ALK: variants seen among roughly 807,000 people sequenced by gnomAD.
The protein encoded by ALK is ALK tyrosine kinase receptor.
ALK carries 74 observed loss-of-function variants against 163.1 expected under a neutral mutation model. That is an observed-to-expected ratio of 0.45 (90% confidence interval 0.38 to 0.55). ALK has a LOEUF of 0.55. Ranked by LOEUF, ALK falls within the 20% of genes least tolerant of loss-of-function variation. The pLI, the probability that ALK is intolerant of heterozygous loss-of-function variation, is 0.00. For missense variants in ALK, 2,063 were observed against 2,105.3 expected, an observed-to-expected ratio of 0.98 and a Z score of 0.39; for synonymous variants, 960 against 843.2, an observed-to-expected ratio of 1.14 and a Z score of -2.40.
chr2:29,575,465 C>T (rs1413663504), intron 3 of ALK, among the ~76,000 whole-genome samples: 2 of 152,130 alleles, frequency 1.3e-5, no homozygotes, highest in African/African-American at 2.4e-5. Context: ...GACCCAGTCT[C>T]CTAAAGGATG....
At chr2:29,910,462 G>A (rs1667673044) in intron 1 of ALK, among the ~76,000 whole-genome samples, 1 of 152,122 alleles carries the variant, frequency 6.6e-6, no homozygotes, top group Admixed American at 6.5e-5. Context: ...ATTTCCAAAT[G>A]TGATGAAAAA....
intron 1 of ALK, among the ~76,000 whole-genome samples, chr2:29,835,607 T>C (rs1665538210): frequency 6.6e-6 from 1 of 152,304 alleles, no homozygotes; most frequent in East Asian, 1.9e-4. Context: ...GTCCATGATA[T>C]GGTTTGCCTG....
chr2:29,824,950 A>G (rs1356354672), intron 1 of ALK, among the ~76,000 whole-genome samples: 1 of 152,214 alleles, frequency 6.6e-6, no homozygotes, highest in Non-Finnish European at 1.5e-5. Context: ...CTCATCTTGA[A>G]TTTCCACGTA....
chr2:29,688,909 A>ATT (rs1678312735), intron 3 of ALK, among the ~76,000 whole-genome samples: 1 of 152,216 alleles, frequency 6.6e-6, no homozygotes, highest in Non-Finnish European at 1.5e-5. Flanking sequence ...CCTGTGGGCC[A>ATT]TAAATGCCGG....
At chr2:29,229,087 C>A (rs774947393) in intron 15 of ALK, 21 bp from the exon 16 acceptor site, 1 of 1,612,208 alleles carries the variant, frequency 6.2e-7, no homozygotes, top group South Asian at 1.1e-5. Flanking sequence ...AGATAGGGAA[C>A]CTGCGTGAGG....
chr2:29,230,909 G>A (rs1046197959), intron 15 of ALK, among the ~76,000 whole-genome samples: 1 of 152,192 alleles, frequency 6.6e-6, no homozygotes, highest in Admixed American at 6.5e-5. Context: ...CGGAGACCAT[G>A]CGCTGTGCTT....
intron 5 of ALK, among the ~76,000 whole-genome samples, chr2:29,382,932 G>C (rs551983968): frequency 6.6e-6 from 1 of 152,312 alleles, no homozygotes; most frequent in Non-Finnish European, 1.5e-5. Context: ...CTGGGTTGGT[G>C]AGGGGTCAGT....
chr2:29,752,451 G>A lies in ALK; in HGVS notation c.668-34754C>T, dbSNP rs1039676452. On this transcript the variant is annotated intron_variant, in intron 1 of 28. Transcript: ENST00000389048. ...TGCAAGCTCCGCCTCCCGGGTTCAC[G>A]CCATTCTCCTGCCTCAGCCTCCTGT... Among the ~76,000 whole-genome samples the A allele has an allele frequency of 2.7e-5, 4 of 148,230 alleles. No individual in the cohort carries two copies. The East Asian group carries it at 8.0e-4, about 30-fold the overall frequency.
chr2:29,874,470 G>A (rs1666655116), intron 1 of ALK, among the ~76,000 whole-genome samples: 1 of 152,090 alleles, frequency 6.6e-6, no homozygotes, highest in African/African-American at 2.4e-5. Context: ...TTTAAGTCAG[G>A]GCTAGTGCTG....
At chr2:29,717,508 T>C in intron 2 of ALK, 70 bp downstream of exon 2, 1 of 1,589,962 alleles carries the variant, frequency 6.3e-7, no homozygotes, top group Non-Finnish European at 8.6e-7. Context: ...AATCCCAAAC[T>C]GAAACTCACA....
At chr2:29,786,060 C>T (rs960551772) in intron 1 of ALK, among the ~76,000 whole-genome samples, 4 of 152,058 alleles carry the variant, frequency 2.6e-5, no homozygotes, top group South Asian at 4.1e-4. Flanking sequence ...CCATTTTCGC[C>T]TTCACTCAGG....
intron 1 of ALK, among the ~76,000 whole-genome samples, chr2:29,763,763 C>T (rs1680780935): frequency 6.6e-6 from 1 of 152,128 alleles, no homozygotes; most frequent in South Asian, 2.1e-4. Flanking sequence ...CCCTGAGATT[C>T]CTGAAACCTT....
chr2:29,377,558 G>T (rs967508609), intron 5 of ALK, among the ~76,000 whole-genome samples: 4 of 152,236 alleles, frequency 2.6e-5, no homozygotes, highest in South Asian at 2.1e-4. Context: ...CCATTGAGGG[G>T]GAATGTCAAG....
At chr2:29,309,335 G>C (rs1666632873) in intron 8 of ALK, among the ~76,000 whole-genome samples, 2 of 152,182 alleles carry the variant, frequency 1.3e-5, no homozygotes, top group South Asian at 4.1e-4. Flanking sequence ...TTAACATACA[G>C]CTTTTGAATG....
At chr2:29,628,681 A>G (rs1676268408) in intron 3 of ALK, among the ~76,000 whole-genome samples, 1 of 152,228 alleles carries the variant, frequency 6.6e-6, no homozygotes, top group Non-Finnish European at 1.5e-5. Context: ...TACCTTAACA[A>G]TTAAAACCAA....
chr2:29,642,438 A>G (rs1676730214), intron 3 of ALK, among the ~76,000 whole-genome samples: 1 of 152,220 alleles, frequency 6.6e-6, no homozygotes, highest in Admixed American at 6.5e-5. Context: ...GCAAAGGTAA[A>G]TCAAGTCCTG....
At chr2:29,780,937 T>C (rs1681315785) in intron 1 of ALK, among the ~76,000 whole-genome samples, 1 of 152,234 alleles carries the variant, frequency 6.6e-6, no homozygotes, top group Non-Finnish European at 1.5e-5. Flanking sequence ...CAGGTAGGAA[T>C]GGATTAAAAT....
At chr2:29,214,762 C>T (rs1453092519) in intron 23 of ALK, among the ~76,000 whole-genome samples, 1 of 152,206 alleles carries the variant, frequency 6.6e-6, no homozygotes, top group Non-Finnish European at 1.5e-5. Flanking sequence ...AAGGCGACAT[C>T]CCATCTTGGC....
chr2:29,593,096 G>C (rs926015491), intron 3 of ALK, among the ~76,000 whole-genome samples: 2 of 152,240 alleles, frequency 1.3e-5, no homozygotes, highest in African/African-American at 4.8e-5. Context: ...TTGGACAGAG[G>C]GGTATGGACT....
Sources: allele counts gnomAD v4.1 joint callset (sites outside exome capture counted in the v4.1 genomes callset), GRCh38; gene constraint gnomAD v4.1.1; transcripts MANE v1.5; gene names NCBI Gene and HGNC (gene_info 2026-07-23, HGNC 2026-07-21).